CUL9: variants seen among roughly 807,000 people sequenced by gnomAD.
CUL9 encodes the protein cullin 9.
Under a neutral mutation model 272.6 loss-of-function variants are expected in CUL9, and 79 were observed. The observed-to-expected ratio is 0.29, with a 90% CI of 0.24 to 0.35. The LOEUF is 0.35. CUL9 is among the 10% of genes least tolerant of loss of function. The pLI, the probability that CUL9 is intolerant of heterozygous loss-of-function variation, is 1.00. For synonymous variants in CUL9, 1,186 were observed against 1,286.5 expected (o/e 0.92, Z 1.67); for missense variants, 2,532 against 3,255.6 (o/e 0.78, Z 5.41).
chr6:43,217,215 G>A (rs1178081768), intron 31 of CUL9, among the ~76,000 whole-genome samples: 1 of 152,050 alleles, frequency 6.6e-6, no homozygotes, highest in Non-Finnish European at 1.5e-5. Context: ...AAATAAGATG[G>A]GCATGGTGGT....
At chr6:43,205,636 C>T (rs1288090221) in intron 24 of CUL9, among the ~76,000 whole-genome samples, 4 of 152,220 alleles carry the variant, frequency 2.6e-5, no homozygotes, top group South Asian at 2.1e-4. Flanking sequence ...GCCTGACCAA[C>T]ATGGTGAAAC....
chr6:43,205,036 C>G lies in CUL9; in HGVS notation c.4553C>G (p.Pro1518Arg), dbSNP rs758230413. ...LQRAGSELFG[P>R]RAAFMLALRS... is the part of the protein sequence containing the mutation. ...AGAGCAGGCTCCGAGCTGTTTGGGC[C>G]TCGGGCAGCCTTCATGCTGGCTCTG... The change falls in exon 23 of 41, where the codon CCT becomes CGT. Residue 1518 changes from proline to arginine, a missense_variant. Physicochemically the swap from Pro to Arg is moderately radical, Grantham distance 103. This residue lies in a region of CUL9 where 2,218 missense variants were observed against 2,788.6 expected (regional missense o/e 0.80). Transcript: ENST00000252050. 1 of 1,612,760 alleles carries G rather than the reference C, an allele frequency of 6.2e-7. No homozygotes were observed.
chr6:43,217,303 G>C (rs1776014939), intron 31 of CUL9, among the ~76,000 whole-genome samples: 1 of 152,214 alleles, frequency 6.6e-6, no homozygotes, highest in Admixed American at 6.5e-5. Context: ...GCTGCAGTGA[G>C]CCAGTATCTC....
intron 3 of CUL9, 113 bp downstream of exon 3, chr6:43,185,723 GA>G: frequency 2.3e-6 from 3 of 1,295,778 alleles, no homozygotes; most frequent in Non-Finnish European, 3.1e-6. Context: ...TTGTTAACAT[GA>G]AGGTTCATGT....
At position 43,184,561 on chromosome 6, in the gene CUL9, C is replaced by G. The variant is rs1177688562; in HGVS notation, c.251C>G (p.Ala84Gly). 6.2e-7 allele frequency: 1 copy of G among 1,613,258 alleles called. No individual in the cohort carries two copies. Among genetic ancestry groups the G allele is most frequent in the Admixed American group, 1.7e-5 (1 of 59,980 alleles). Residue 84 changes from alanine to glycine, a missense_variant, in exon 2 of 41, where the codon GCA becomes GGA. Physicochemically the swap from Ala to Gly is moderately conservative, Grantham distance 60 (BLOSUM62 0). Around this residue, in one of 3 missense-constraint regions of CUL9, gnomAD observed 2,218 missense variants for 2,788.6 expected, o/e 0.80. Coordinates refer to ENST00000252050, the MANE Select transcript of CUL9 (RefSeq NM_015089.4). The surrounding 1 kb of genome is among the most constrained non-coding windows in gnomAD (Gnocchi z 4.8). Reference sequence around the variant, plus strand: ...TGCCCTGGGCTGTTAGGTGAGCGGGCACTATCTAAGGGACTTCAGCACGAA... The same window carrying G: ...TGCCCTGGGCTGTTAGGTGAGCGGGGACTATCTAAGGGACTTCAGCACGAA... The part of the protein sequence containing the change: ...ANCPGLLGER[A>G]LSKGLQHEPA...
Position 43,200,579 on chromosome 6 carries a change from C to T in CUL9, c.3475+53C>T. 6.2e-7 allele frequency: 1 copy of T among 1,613,918 alleles called. No homozygotes were observed. ...GCTCCCATCCAGTGTCTGTTCTCCCCTTCCCTTCCTGCTCCTTAGACCTTT... is the reference window on the plus strand; with the variant it reads ...GCTCCCATCCAGTGTCTGTTCTCCCTTTCCCTTCCTGCTCCTTAGACCTTT... On this transcript the variant is annotated intron_variant, in intron 15 of 40. Transcript: ENST00000252050. The surrounding 1 kb of genome is among the most constrained non-coding windows in gnomAD (Gnocchi z 4.0).
intron 9 of CUL9, among the ~76,000 whole-genome samples, chr6:43,193,670 C>A (rs765400331): frequency 6.6e-6 from 1 of 152,084 alleles, no homozygotes; most frequent in Non-Finnish European, 1.5e-5. Context: ...CCTTAGCCTC[C>A]TGGGATTACA....
At chr6:43,202,001 A>C (rs571315799) in intron 16 of CUL9, among the ~76,000 whole-genome samples, 1 of 152,308 alleles carries the variant, frequency 6.6e-6, no homozygotes, top group African/African-American at 2.4e-5. Flanking sequence ...AGGAGGTGGA[A>C]GGTGTATGCA....
intron 29 of CUL9, 57 bp from the exon 30 acceptor site, chr6:43,215,021 GC>G: frequency 6.6e-7 from 1 of 1,524,472 alleles, no homozygotes; most frequent in Admixed American, 2.2e-5. Flanking sequence ...TGGGCATTGA[GC>G]CCAGCAGCCT....
At position 43,200,077 on chromosome 6, in the gene CUL9, G is replaced by A. The variant is rs375384551; in HGVS notation, c.3305G>A (p.Arg1102Gln). ...SAQLLLGCELRDLVTECEKYA... is the reference protein window; with the variant it reads ...SAQLLLGCELQDLVTECEKYA... ...CAGCTGCTGCTGGGCTGTGAGCTTC[G>A]GGACCTGGTGACAGAGTGTGAGAAG... Residue 1102 changes from arginine (R) to glutamine (Q), a missense_variant, in exon 14 of 41, where the codon CGG becomes CAG. By Grantham distance (43) the Arg-to-Gln change is conservative. This residue lies in a region of CUL9 where 2,218 missense variants were observed against 2,788.6 expected (regional missense o/e 0.80). Transcript: ENST00000252050. This position sits in a 1 kb window ranked among gnomAD's most constrained non-coding sequence, Gnocchi z 4.0. 8.1e-5 allele frequency: 131 copies of A among 1,614,162 alleles called. 1 individual carries two copies. In the South Asian group the frequency reaches 1.1e-3, roughly 13 times the overall value.
At chr6:43,222,088 C>T in intron 35 of CUL9, 1 of 601,326 alleles carries the variant, frequency 1.7e-6, no homozygotes, top group Admixed American at 3.0e-5. Flanking sequence ...TAGAGCCTGG[C>T]TCTGCTGCTT....
chr6:43,204,348 G>T lies in CUL9; in HGVS notation c.4160-12G>T. The T allele has an allele frequency of 2.5e-6, 4 of 1,613,344 alleles. No homozygotes were observed. The highest frequency in any genetic ancestry group is 3.4e-6 in the Non-Finnish European group (4 of 1,179,390). On this transcript the variant is annotated splice_polypyrimidine_tract_variant and intron_variant, in intron 20 of 40. Transcript: ENST00000252050. ...TCCCATGGAGACCTGTTCCTGACCT[G>T]TCTTCTTTCAGATGCGGAAGGCGTG...
At chr6:43,201,103 C>A (rs1408422526) in intron 16 of CUL9, among the ~76,000 whole-genome samples, 1 of 152,220 alleles carries the variant, frequency 6.6e-6, no homozygotes, top group Non-Finnish European at 1.5e-5. Context: ...TTATCCATTT[C>A]TCCTTTGGGC....
intron 29 of CUL9, among the ~76,000 whole-genome samples, 158 bp downstream of exon 29, chr6:43,214,070 T>C (rs572672296): frequency 2.0e-5 from 3 of 152,310 alleles, no homozygotes; most frequent in African/African-American, 7.2e-5. Context: ...CAGATAAAGA[T>C]AAGGCATGAG....
rs1773128288 is a variant in CUL9, at chr6:43,188,500, TTGCC to T, written c.1988-21_1988-18del. 1 of 1,568,002 alleles carries T rather than the reference TTGCC, an allele frequency of 6.4e-7. No homozygotes were observed. Among genetic ancestry groups the T allele is most frequent in the Non-Finnish European group, 8.6e-7 (1 of 1,157,970 alleles). The stretch of plus-strand genomic sequence containing the variant: ...CAAGGTGCCACAGTTCTTTTAGCCA[TTGCC>T]TTTTCCCACCAATTTCAGAAATGGC... On this transcript the variant is annotated intron_variant, in intron 7 of 40. Transcript: ENST00000252050.
At chr6:43,210,165 G>T (rs1368641132) in intron 26 of CUL9, among the ~76,000 whole-genome samples, 3 of 151,898 alleles carry the variant, frequency 2.0e-5, no homozygotes, top group African/African-American at 7.3e-5. Flanking sequence ...TTTTAGTAGA[G>T]ATGGGGTTTC....
chr6:43,220,561 A>G lies in CUL9; in HGVS notation c.6385A>G (p.Ile2129Val). ...DCPAQPTGAF[I>V]RAIVSSPEVI... ...CCCCGCCCAGCCCACCGGAGCCTTCATTCGTGCCATCGTCTCCTCGCCAGA... is the reference window on the plus strand; with the variant it reads ...CCCCGCCCAGCCCACCGGAGCCTTCGTTCGTGCCATCGTCTCCTCGCCAGA... The change falls in exon 32 of 41, where the codon ATT becomes GTT. Residue 2129 changes from isoleucine (I) to valine (V), a missense_variant. By Grantham distance (29) the Ile-to-Val change is conservative. Around this residue, in one of 3 missense-constraint regions of CUL9, gnomAD observed 2,218 missense variants for 2,788.6 expected, o/e 0.80. Transcript: ENST00000252050. This position sits in a 1 kb window ranked among gnomAD's most constrained non-coding sequence, Gnocchi z 4.9. 2 of 1,614,098 alleles carry G rather than the reference A, an allele frequency of 1.2e-6. No homozygotes were observed. The highest frequency in any genetic ancestry group is 1.7e-6 in the Non-Finnish European group (2 of 1,180,012).
intron 23 of CUL9, 44 bp from the exon 24 acceptor site, chr6:43,205,219 C>G: frequency 3.1e-6 from 5 of 1,603,078 alleles, no homozygotes; most frequent in Non-Finnish European, 4.3e-6. Flanking sequence ...TCCTACTCCA[C>G]TCCCTCATTC....
At chr6:43,207,923 A>T (rs1228404658) in intron 26 of CUL9, among the ~76,000 whole-genome samples, 2 of 152,198 alleles carry the variant, frequency 1.3e-5, no homozygotes, top group African/African-American at 2.4e-5. Flanking sequence ...GTTTTTGTCT[A>T]CTTGATCTAC....
Sources: gnomAD v4.1 joint callset for allele counts (sites outside exome capture counted in the v4.1 genomes callset) on GRCh38, gnomAD v4.1.1 for gene constraint, gnomAD v4.1.1 regional missense constraint, Gnocchi (gnomAD v3.1) non-coding constraint, MANE v1.5 for transcripts, NCBI Gene and HGNC (gene_info 2026-07-23, HGNC 2026-07-21) for gene names.